The following DCC variants were observed in gnomAD, a reference collection of about 807,000 sequenced individuals.
The protein encoded by DCC is DCC netrin 1 receptor, also known as netrin receptor DCC.
DCC carries 58 observed loss-of-function variants against 172.5 expected under a neutral mutation model. The ratio of observed to expected loss-of-function variants is 0.34; its 90% CI spans 0.27 to 0.42. The LOEUF (loss-of-function observed/expected upper bound fraction) is 0.42. Among genes scored for constraint, DCC ranks in the 10% least tolerant of loss-of-function variants. The probability of loss-of-function intolerance (pLI) is 1.00; values close to 1 mark genes in which losing one functional copy is unlikely to be tolerated. For missense variants in DCC, 1,740 were observed against 1,791.0 expected (o/e 0.97, Z 0.51); for synonymous variants, 709 against 644.5 (o/e 1.10, Z -1.52).
intron 1 of DCC, among the ~76,000 whole-genome samples, chr18:52,550,137 C>A (rs1054099645): frequency 2.6e-5 from 4 of 151,816 alleles, no homozygotes; most frequent in African/African-American, 9.7e-5. Flanking sequence ...TGTTCTTTCT[C>A]TCTAAAAAAA....
At chr18:52,812,317 G>A (rs569688224) in intron 2 of DCC, among the ~76,000 whole-genome samples, 1 of 152,032 alleles carries the variant, frequency 6.6e-6, no homozygotes, top group Admixed American at 6.5e-5. Flanking sequence ...AATGATCAAT[G>A]TCTATGCCTT....
chr18:53,272,084 T>C (rs1190343878), intron 12 of DCC, among the ~76,000 whole-genome samples: 1 of 152,106 alleles, frequency 6.6e-6, no homozygotes, highest in African/African-American at 2.4e-5. Context: ...CATTAGAGGG[T>C]TAAGAAACTT....
chr18:53,307,503 A>G (rs2057213773), intron 13 of DCC, among the ~76,000 whole-genome samples: 1 of 152,114 alleles, frequency 6.6e-6, no homozygotes, highest in Admixed American at 6.5e-5. Context: ...ATTTAATCCA[A>G]GCTCTTCCAG....
intron 27 of DCC, among the ~76,000 whole-genome samples, chr18:53,501,265 G>C (rs2046094188): frequency 6.6e-6 from 1 of 152,086 alleles, no homozygotes; most frequent in Non-Finnish European, 1.5e-5. Context: ...GTAGCTATTA[G>C]TCTTAACCCC....
intron 1 of DCC, among the ~76,000 whole-genome samples, chr18:52,535,856 A>G (rs1362687015): frequency 6.6e-6 from 1 of 152,196 alleles, no homozygotes; most frequent in Non-Finnish European, 1.5e-5. Context: ...AATATCTGTT[A>G]TAAGAAAAGA....
rs149150458 is a variant in DCC, at chr18:53,216,742, T to A, written c.1911+1145T>A. 3.4e-3 allele frequency among the ~76,000 whole-genome samples: 525 copies of A among 152,272 alleles called. 2 individuals carry two copies. The highest frequency in any genetic ancestry group is 4.1e-3 in the Non-Finnish European group (278 of 67,996). On this transcript the variant is annotated intron_variant, in intron 12 of 28. Transcript: ENST00000442544. Reference sequence around the variant, plus strand: ...AGTGAATGCATTATTCTCTTATACTTTTAGGCAATATGTTGGATAAGAACT... The same window carrying A: ...AGTGAATGCATTATTCTCTTATACTATTAGGCAATATGTTGGATAAGAACT...
At chr18:52,564,422 G>T (rs1013379564) in intron 1 of DCC, among the ~76,000 whole-genome samples, 2 of 151,988 alleles carry the variant, frequency 1.3e-5, no homozygotes. Flanking sequence ...AATAGTCATC[G>T]TGTTTTCCTC....
chr18:52,718,150 T>C (rs920740359), intron 1 of DCC, among the ~76,000 whole-genome samples: 1 of 152,206 alleles, frequency 6.6e-6, no homozygotes, highest in African/African-American at 2.4e-5. Flanking sequence ...TTTATTGAGC[T>C]GTATGCTATG....
chr18:53,233,272 T>C (rs2056150096), intron 12 of DCC, among the ~76,000 whole-genome samples: 1 of 152,214 alleles, frequency 6.6e-6, no homozygotes, highest in African/African-American at 2.4e-5. Flanking sequence ...TCACCTGTAG[T>C]GTCCTCCCTA....
intron 5 of DCC, among the ~76,000 whole-genome samples, chr18:52,960,595 T>G (rs1295671696): frequency 2.6e-5 from 4 of 152,144 alleles, no homozygotes; most frequent in Non-Finnish European, 5.9e-5. Flanking sequence ...ATATTTGATA[T>G]AAATGTGATC....
At chr18:52,956,704 C>T (rs2040750858) in intron 5 of DCC, among the ~76,000 whole-genome samples, 3 of 152,104 alleles carry the variant, frequency 2.0e-5, no homozygotes, top group Admixed American at 2.0e-4. Context: ...TACGTCTTCA[C>T]ACAATCAGTC....
At chr18:52,376,817 A>G (rs915960952) in intron 1 of DCC, among the ~76,000 whole-genome samples, 1 of 152,208 alleles carries the variant, frequency 6.6e-6, no homozygotes, top group Admixed American at 6.5e-5. Flanking sequence ...ATTAGAATAC[A>G]TGAAGTAGTA....
At chr18:53,147,394 T>C (rs2043932221) in intron 7 of DCC, among the ~76,000 whole-genome samples, 1 of 152,228 alleles carries the variant, frequency 6.6e-6, no homozygotes, top group Non-Finnish European at 1.5e-5. Flanking sequence ...TTCGTATACA[T>C]ATTATGCCCC....
intron 1 of DCC, among the ~76,000 whole-genome samples, chr18:52,438,170 C>T (rs1293257333): frequency 6.6e-6 from 1 of 152,176 alleles, no homozygotes; most frequent in African/African-American, 2.4e-5. Context: ...TCCTCCCATT[C>T]AATATACACA....
At chr18:52,788,401 T>C (rs571702533) in intron 2 of DCC, among the ~76,000 whole-genome samples, 1 of 152,298 alleles carries the variant, frequency 6.6e-6, no homozygotes, top group East Asian at 1.9e-4. Context: ...TGACTCCACA[T>C]GTCCCAGGCC....
intron 1 of DCC, among the ~76,000 whole-genome samples, chr18:52,715,997 G>A (rs2036374876): frequency 6.6e-6 from 1 of 151,570 alleles, no homozygotes; most frequent in African/African-American, 2.4e-5. Context: ...ACCCTTCAGT[G>A]CCTCTGTTTC....
intron 1 of DCC, among the ~76,000 whole-genome samples, chr18:52,462,820 T>C (rs1039588793): frequency 1.3e-5 from 2 of 152,064 alleles, no homozygotes; most frequent in Non-Finnish European, 2.9e-5. Context: ...GCACAGGTGC[T>C]GGCACAGAGT....
intron 5 of DCC, among the ~76,000 whole-genome samples, chr18:52,963,377 AT>A (rs1367621852): frequency 2.0e-5 from 3 of 152,070 alleles, no homozygotes; most frequent in Non-Finnish European, 4.4e-5. Context: ...AATATATATT[AT>A]GTATACCTTA....
chr18:53,201,709 A>G (rs550419814), intron 9 of DCC, among the ~76,000 whole-genome samples: 76 of 152,274 alleles, frequency 5.0e-4, no homozygotes, highest in South Asian at 1.9e-3. Flanking sequence ...GTTATAACAC[A>G]ATACTAATGC....
Sources: allele counts gnomAD v4.1 joint callset (sites outside exome capture counted in the v4.1 genomes callset), GRCh38; gene constraint gnomAD v4.1.1; transcripts MANE v1.5; gene names NCBI Gene and HGNC (gene_info 2026-07-23, HGNC 2026-07-21).